The following PSD3 variants were observed in gnomAD, a reference collection of about 807,000 sequenced individuals.
The protein encoded by PSD3 is PH and SEC7 domain-containing protein 3.
PSD3 carries 49 observed loss-of-function variants against 105.5 expected under a neutral mutation model. That is an observed-to-expected ratio of 0.46 (90% CI 0.37 to 0.59). The LOEUF is 0.59. Ranked by LOEUF, PSD3 falls within the 20% of genes least tolerant of loss-of-function variation. PSD3 has a pLI of 0.00. For synonymous variants in PSD3, 557 were observed against 457.8 expected, an observed-to-expected ratio of 1.22 and a Z score of -2.77; for missense variants, 1,561 against 1,263.8, an observed-to-expected ratio of 1.24 and a Z score of -3.57.
chr8:18,909,859 TTA>T (rs1252745397), intron 2 of PSD3, among the ~76,000 whole-genome samples: 2 of 152,230 alleles, frequency 1.3e-5, no homozygotes, highest in African/African-American at 4.8e-5. Flanking sequence ...TTCTTTGTTT[TTA>T]TATGTTTTTA....
At chr8:18,758,823 TA>T (rs2129441915) in intron 9 of PSD3, among the ~76,000 whole-genome samples, 1 of 152,262 alleles carries the variant, frequency 6.6e-6, no homozygotes, top group African/African-American at 2.4e-5. Flanking sequence ...GCTGACAAGA[TA>T]GGTTAAAAAC....
chr8:18,662,212 G>T (rs1325197783), intron 9 of PSD3, among the ~76,000 whole-genome samples: 1 of 152,100 alleles, frequency 6.6e-6, no homozygotes, highest in African/African-American at 2.4e-5. Context: ...TATTGAAAGA[G>T]AATCTGAAGT....
At chr8:19,077,597 A>C (rs1829500759) in intron 1 of PSD3, among the ~76,000 whole-genome samples, 1 of 152,182 alleles carries the variant, frequency 6.6e-6, no homozygotes, top group African/African-American at 2.4e-5. Context: ...TTGTCAGCTA[A>C]GAGTGTAAAC....
chr8:18,828,707 T>A (rs576410885), intron 4 of PSD3, among the ~76,000 whole-genome samples: 1 of 152,206 alleles, frequency 6.6e-6, no homozygotes, highest in South Asian at 2.1e-4. Flanking sequence ...ATGCCTGAAA[T>A]CCCAGCATTT....
chr8:18,909,000 G>A (rs1260841566), intron 2 of PSD3, among the ~76,000 whole-genome samples: 1 of 152,136 alleles, frequency 6.6e-6, no homozygotes, highest in Non-Finnish European at 1.5e-5. Context: ...CAGGGTCTCA[G>A]TCTACTTTAA....
At position 18,576,064 on chromosome 8, in the gene PSD3, G is replaced by A. The variant is rs542776756; in HGVS notation, c.2482-779C>T. On this transcript the variant is annotated intron_variant, in intron 12 of 15. Transcript: ENST00000327040. Reference sequence around the variant, plus strand: ...CATCACCTTCTAATTAGTAGTAAAAGCCTAAAGAAAGATATTGTCTGTTTT... The same window carrying A: ...CATCACCTTCTAATTAGTAGTAAAAACCTAAAGAAAGATATTGTCTGTTTT... 1.4e-4 allele frequency among the ~76,000 whole-genome samples: 21 copies of A among 152,056 alleles called. No homozygotes were observed. The South Asian group carries it at 4.2e-3, about 30-fold the overall frequency.
intron 1 of PSD3, among the ~76,000 whole-genome samples, chr8:19,066,454 A>G (rs1025995010): frequency 6.6e-6 from 1 of 152,244 alleles, no homozygotes; most frequent in African/African-American, 2.4e-5. Flanking sequence ...AGGGTCAACC[A>G]ATAAATGCCC....
intron 9 of PSD3, among the ~76,000 whole-genome samples, chr8:18,671,052 C>T (rs535071777): frequency 3.8e-4 from 58 of 152,208 alleles, no homozygotes; most frequent in Non-Finnish European, 6.5e-4. Context: ...TTAACCACAG[C>T]GAGGGTTTCA....
intron 1 of PSD3, among the ~76,000 whole-genome samples, chr8:19,003,972 T>G (rs564609006): frequency 6.6e-6 from 1 of 152,108 alleles, no homozygotes; most frequent in South Asian, 2.1e-4. Context: ...ATCTTAAGAC[T>G]TGCATGGGGT....
intron 1 of PSD3, among the ~76,000 whole-genome samples, chr8:19,058,337 T>C (rs1018368010): frequency 6.6e-6 from 1 of 151,314 alleles, no homozygotes; most frequent in African/African-American, 2.4e-5. Flanking sequence ...TTGTTTTGGG[T>C]GATATAACAG....
At chr8:18,701,040 C>T (rs1051050906) in intron 9 of PSD3, among the ~76,000 whole-genome samples, 2 of 152,092 alleles carry the variant, frequency 1.3e-5, no homozygotes, top group Admixed American at 1.3e-4. Context: ...GATCATGGCT[C>T]ACTGTAGCCT....
intron 1 of PSD3, 111 bp from the exon 2 acceptor site, chr8:18,936,253 C>G (rs1563439830): frequency 1.4e-6 from 1 of 695,074 alleles, no homozygotes; most frequent in Non-Finnish European, 2.5e-6. Context: ...CATATGTACT[C>G]AAAGCTATCT....
intron 4 of PSD3, chr8:18,865,271 TATATATATATA>T (rs1816820095): frequency 3.5e-3 from 15 of 4,344 alleles, no homozygotes; most frequent in South Asian, 0.011. Flanking sequence ...TATATATATA[TATATATATATA>T]TATATTTTTT....
At position 18,986,194 on chromosome 8, in the gene PSD3, AG is replaced by A. The variant is rs1353287183; in HGVS notation, c.21+27368del. On this transcript the variant is annotated intron_variant, in intron 1 of 15. Transcript: ENST00000327040. ...AGAGAATAACTGAAATTGGATTAACAGTAGAGGTCCCTGGAGAAACTGCATT... is the reference window on the plus strand; with the variant it reads ...AGAGAATAACTGAAATTGGATTAACATAGAGGTCCCTGGAGAAACTGCATT... Among the ~76,000 whole-genome samples the A allele has an allele frequency of 2.6e-5, 4 of 152,348 alleles. No individual in the cohort carries two copies. In the East Asian group the frequency reaches 7.7e-4, roughly 29 times the overall value.
intron 2 of PSD3, among the ~76,000 whole-genome samples, chr8:18,906,829 T>C (rs1229115321): frequency 6.6e-6 from 1 of 152,164 alleles, no homozygotes; most frequent in Non-Finnish European, 1.5e-5. Context: ...TATACCTAAT[T>C]ATATACATAC....
At chr8:19,008,931 C>T (rs1399697009) in intron 1 of PSD3, among the ~76,000 whole-genome samples, 2 of 152,186 alleles carry the variant, frequency 1.3e-5, no homozygotes, top group South Asian at 2.1e-4. Context: ...GAAAAGCAGC[C>T]TTCACTGTGT....
chr8:18,583,714 G>C (rs937608464), intron 12 of PSD3, among the ~76,000 whole-genome samples: 1 of 152,078 alleles, frequency 6.6e-6, no homozygotes, highest in African/African-American at 2.4e-5. Context: ...CTCTTGCTCA[G>C]GTTAAGTGCC....
chr8:18,666,724 T>TGGG (rs1339897600), intron 9 of PSD3, among the ~76,000 whole-genome samples: 48 of 136,230 alleles, frequency 3.5e-4, no homozygotes, highest in South Asian at 2.1e-3. Flanking sequence ...TGCTTTTTTT[T>TGGG]GGGGGGTGGG....
chr8:18,727,496 CA>C (rs1803415567), intron 9 of PSD3, among the ~76,000 whole-genome samples: 1 of 148,696 alleles, frequency 6.7e-6, no homozygotes, highest in Non-Finnish European at 1.5e-5. Context: ...GGTAACAGAG[CA>C]AGATTCCATC....
Sources: gnomAD v4.1 joint callset for allele counts (sites outside exome capture counted in the v4.1 genomes callset) on GRCh38, gnomAD v4.1.1 for gene constraint, MANE v1.5 for transcripts, NCBI Gene and HGNC (gene_info 2026-07-23, HGNC 2026-07-21) for gene names.